Variants in MIA2 observed in about 807,000 individuals in gnomAD.
The protein encoded by MIA2 is MIA SH3 domain ER export factor 2.
Under a neutral mutation model 167.8 loss-of-function variants are expected in MIA2, and 127 were observed. The ratio of observed to expected loss-of-function variants is 0.76; its 90% CI spans 0.66 to 0.88. MIA2 has a LOEUF of 0.88. Among genes scored for constraint, MIA2 ranks in the 40% least tolerant of loss-of-function variants. The pLI, the probability that MIA2 is intolerant of heterozygous loss-of-function variation, is 0.00. For missense variants in MIA2, 1,690 were observed against 1,624.7 expected (o/e 1.04, Z -0.69); for synonymous variants, 552 against 541.9 (o/e 1.02, Z -0.26).
chr14:39,294,842 T>G, intron 12 of MIA2, 83 bp from the exon 13 acceptor site: 1 of 910,066 alleles, frequency 1.1e-6, no homozygotes, highest in Non-Finnish European at 1.8e-6. Context: ...CTTTGTTTAA[T>G]TCTGTGTTCT....
intron 10 of MIA2, among the ~76,000 whole-genome samples, chr14:39,291,705 A>G (rs2060761707): frequency 6.6e-6 from 1 of 152,150 alleles, no homozygotes. Context: ...ATGTCACTGA[A>G]TGAGGAGTCT....
At chr14:39,352,021 T>C (rs898079528), downstream of MIA2, among the ~76,000 whole-genome samples, 3 of 152,170 alleles carry the variant, frequency 2.0e-5, no homozygotes, top group Admixed American at 2.0e-4. Flanking sequence ...TTTATTTTAT[T>C]CTTCCCTCAT....
chr14:39,309,533 T>C (rs1275079077), intron 18 of MIA2, among the ~76,000 whole-genome samples: 2 of 152,230 alleles, frequency 1.3e-5, no homozygotes, highest in African/African-American at 2.4e-5. Flanking sequence ...TTTGAATGGC[T>C]CAGTTCTTCA....
At chr14:39,270,085 TTA>T (rs1177051673) in intron 6 of MIA2, among the ~76,000 whole-genome samples, 1 of 152,162 alleles carries the variant, frequency 6.6e-6, no homozygotes, top group African/African-American at 2.4e-5. Flanking sequence ...CACCAGCAGT[TTA>T]TGAGGGTTTC....
chr14:39,363,040 T>C (rs1161028118), intron 23 of MIA2, among the ~76,000 whole-genome samples: 1 of 152,246 alleles, frequency 6.6e-6, no homozygotes, highest in Non-Finnish European at 1.5e-5. Flanking sequence ...CAAAGTATTA[T>C]TGATTTCTAG....
chr14:39,277,672 T>TTATATATATATATATGTGTGTATATATA (rs1566682030), intron 7 of MIA2, among the ~76,000 whole-genome samples: 4 of 30,170 alleles, frequency 1.3e-4, no homozygotes, highest in South Asian at 1.3e-3. Context: ...GTAAGATCTT[T>TTATATATATATATATGTGTGTATATATA]TATATATATA....
intron 25 of MIA2, 115 bp from the exon 26 acceptor site, chr14:39,345,789 A>T (rs2073107490): frequency 2.6e-6 from 2 of 759,644 alleles, no homozygotes; most frequent in Admixed American, 3.1e-5. Flanking sequence ...AACCAAGAAG[A>T]TGATGAGTTT....
At chr14:39,296,729 C>T (rs1168763976) in intron 13 of MIA2, among the ~76,000 whole-genome samples, 1 of 150,724 alleles carries the variant, frequency 6.6e-6, no homozygotes, top group Non-Finnish European at 1.5e-5. Flanking sequence ...TGGTGCGCTG[C>T]ACCCACTAAT....
At position 39,262,164 on chromosome 14, in the gene MIA2, T is replaced by A. The variant is rs1459416437; in HGVS notation, c.1887+8993T>A. 3.3e-5 allele frequency among the ~76,000 whole-genome samples: 5 copies of A among 152,242 alleles called. No individual in the cohort carries two copies. The East Asian group carries it at 7.7e-4, about 23-fold the overall frequency. The stretch of plus-strand genomic sequence containing the variant: ...CTTTAATCCATCTTGAATTAATTTT[T>A]GTATAAGGTGTAAGGAAGGGATCCA... On this transcript the variant is annotated intron_variant, in intron 6 of 28. Coordinates refer to ENST00000640607, the MANE Select transcript of MIA2 (RefSeq NM_001329214.4).
chr14:39,352,341 T>G (rs938213067), downstream of MIA2, among the ~76,000 whole-genome samples: 3 of 152,112 alleles, frequency 2.0e-5, no homozygotes, highest in South Asian at 2.1e-4. Context: ...ATCATCTATC[T>G]TGGTGTTTTT....
chr14:39,349,696 T>C (rs1352292457), intron 28 of MIA2, among the ~76,000 whole-genome samples: 2 of 152,164 alleles, frequency 1.3e-5, no homozygotes, highest in Non-Finnish European at 2.9e-5. Context: ...ACTGGAAATG[T>C]TTTAGTATAA....
Position 39,348,735 on chromosome 14 carries a change from T to G in MIA2, c.3838-8T>G. 1 of 1,613,716 alleles carries G rather than the reference T, an allele frequency of 6.2e-7. No individual in the cohort carries two copies. Among genetic ancestry groups the G allele is most frequent in the Non-Finnish European group, 8.5e-7 (1 of 1,179,636 alleles). On this transcript the variant is annotated splice_region_variant and splice_polypyrimidine_tract_variant and intron_variant, in intron 27 of 28. Transcript: ENST00000640607. The stretch of plus-strand genomic sequence containing the variant: ...TTTTAGTGACTGCCATATGTCAATT[T>G]GTTGTAGAATTTAAATGTGCCTGAT...
At chr14:39,249,537 C>CAA (rs56249977) in intron 4 of MIA2, among the ~76,000 whole-genome samples, 1 of 139,634 alleles carries the variant, frequency 7.2e-6, no homozygotes, top group African/African-American at 2.6e-5. Flanking sequence ...AAAACTCAAG[C>CAA]AAAAAAAAAA....
rs916357286 is a variant in MIA2, at chr14:39,357,644, G to T, written c.2248+8667G>T. Among the ~76,000 whole-genome samples, 8 of 152,266 alleles carry T rather than the reference G, an allele frequency of 5.3e-5. No individual in the cohort carries two copies. The South Asian group carries it at 1.5e-3, about 28-fold the overall frequency. The stretch of plus-strand genomic sequence containing the variant: ...CGTTAGTTGATGCACTTTCTTCCTA[G>T]CCTCGATGGTCTTCACAATTTGGCA... On this transcript the variant is annotated intron_variant, in intron 23 of 23. Transcript: ENST00000341502.
chr14:39,307,006 G>A (rs926148789), intron 17 of MIA2, among the ~76,000 whole-genome samples: 7 of 151,962 alleles, frequency 4.6e-5, no homozygotes, highest in African/African-American at 1.7e-4. Flanking sequence ...ATGGCTTAGC[G>A]GTTGAAACAA....
At position 39,334,482 on chromosome 14, in the gene MIA2, T is replaced by A. The variant is rs923953517; in HGVS notation, c.3655+7460T>A. Among the ~76,000 whole-genome samples the A allele has an allele frequency of 8.6e-5, 13 of 150,694 alleles. No homozygotes were observed. The South Asian group carries it at 2.5e-3, about 29-fold the overall frequency. On this transcript the variant is annotated intron_variant, in intron 25 of 28. Coordinates refer to ENST00000640607, the MANE Select transcript of MIA2 (RefSeq NM_001329214.4). ...GAGAGAGACTCTCTCAAAAAAAAAA[T>A]AAAAAAATGGTCACTGAACAGATTT... is the stretch of plus-strand genomic sequence containing the variant.
Position 39,277,724 on chromosome 14 carries a change from A to ATATATATATATATGTGTG in MIA2, c.2019+672_2019+673insGTGTGTATATATATATAT, listed in dbSNP as rs2058309509. 6.5e-4 allele frequency among the ~76,000 whole-genome samples: 2 copies of ATATATATATATATGTGTG among 3,060 alleles called. 1 individual carries two copies. The highest frequency in any genetic ancestry group is 1.6e-3 in the Non-Finnish European group (2 of 1,282). 2.0% of individuals were successfully genotyped at this position (3,060 alleles called of 152,430 possible). ...TATATATATATATATATGTGTGTAT[A>ATATATATATATATGTGTG]TATATATATATATATATATGTGTGT... On this transcript the variant is annotated intron_variant, in intron 7 of 28. Transcript: ENST00000640607.
intron 15 of MIA2, 105 bp downstream of exon 15, chr14:39,302,354 C>T (rs2152887769): frequency 7.6e-7 from 1 of 1,309,050 alleles, no homozygotes; most frequent in Non-Finnish European, 1.1e-6. Context: ...TTTACTTTGG[C>T]ACATTCTGTC....
intron 3 of MIA2, among the ~76,000 whole-genome samples, chr14:39,244,558 A>T (rs56399794): frequency 6.6e-6 from 1 of 152,144 alleles, no homozygotes; most frequent in South Asian, 2.1e-4. Context: ...TAAAATTGCA[A>T]TTCTGAAGCT....
Sources: allele counts gnomAD v4.1 joint callset (sites outside exome capture counted in the v4.1 genomes callset), GRCh38; gene constraint gnomAD v4.1.1; transcripts MANE v1.5; gene names NCBI Gene and HGNC (gene_info 2026-07-23, HGNC 2026-07-21).